Variants in ARHGAP10 observed in about 807,000 individuals in gnomAD.
ARHGAP10 encodes Rho GTPase activating protein 10.
In ARHGAP10, 87 loss-of-function variants were observed where a neutral mutation model predicts 108.6. The ratio of observed to expected loss-of-function variants is 0.80; its 90% CI spans 0.67 to 0.96. The LOEUF is 0.96. Among genes scored for constraint, ARHGAP10 ranks in the 40% least tolerant of loss-of-function variants. The pLI is 0.00. For missense variants in ARHGAP10, 939 were observed against 954.5 expected (o/e 0.98, Z 0.21); for synonymous variants, 347 against 341.1 (o/e 1.02, Z -0.19).
chr4:147,977,651 G>T (rs929722119), intron 18 of ARHGAP10, among the ~76,000 whole-genome samples: 11 of 152,004 alleles, frequency 7.2e-5, no homozygotes, highest in Non-Finnish European at 1.5e-5. Flanking sequence ...TCAATTGTGT[G>T]ACTTTTTTTT....
chr4:147,984,676 C>A (rs1284272811), intron 18 of ARHGAP10, among the ~76,000 whole-genome samples: 1 of 152,350 alleles, frequency 6.6e-6, no homozygotes, highest in African/African-American at 2.4e-5. Context: ...AGGAGACTAA[C>A]CTCGTTCCTG....
intron 18 of ARHGAP10, among the ~76,000 whole-genome samples, chr4:147,995,978 A>G (rs911428121): frequency 1.3e-5 from 2 of 152,094 alleles, no homozygotes; most frequent in Non-Finnish European, 2.9e-5. Flanking sequence ...CAGCCTCCCA[A>G]AGTGCTGGGA....
At chr4:147,961,017 A>G (rs1259193317) in intron 16 of ARHGAP10, among the ~76,000 whole-genome samples, 2 of 152,178 alleles carry the variant, frequency 1.3e-5, no homozygotes, top group African/African-American at 2.4e-5. Flanking sequence ...GTATAGGAGT[A>G]TGTGTCTTTT....
intron 1 of ARHGAP10, among the ~76,000 whole-genome samples, chr4:147,804,972 G>T (rs1162049572): frequency 6.6e-6 from 1 of 152,178 alleles, no homozygotes; most frequent in Non-Finnish European, 1.5e-5. Flanking sequence ...AGGCTCTTTT[G>T]TTTAATTAGG....
At chr4:147,893,960 T>A (rs1051510466) in intron 10 of ARHGAP10, among the ~76,000 whole-genome samples, 2 of 152,218 alleles carry the variant, frequency 1.3e-5, no homozygotes, top group Non-Finnish European at 2.9e-5. Flanking sequence ...TGGGCTGTGA[T>A]ATTTAAATGG....
At chr4:148,009,502 A>G (rs1476693291) in intron 18 of ARHGAP10, among the ~76,000 whole-genome samples, 1 of 152,200 alleles carries the variant, frequency 6.6e-6, no homozygotes, top group Non-Finnish European at 1.5e-5. Flanking sequence ...GATCTAGGCT[A>G]TATTTCTTCA....
At chr4:147,878,461 C>A (rs561822656) in intron 8 of ARHGAP10, among the ~76,000 whole-genome samples, 2 of 152,114 alleles carry the variant, frequency 1.3e-5, no homozygotes, top group Non-Finnish European at 2.9e-5. Flanking sequence ...GGATGCTGTT[C>A]ATGGACTTAA....
intron 19 of ARHGAP10, among the ~76,000 whole-genome samples, chr4:148,030,958 C>T (rs908192018): frequency 2.6e-5 from 4 of 151,986 alleles, no homozygotes; most frequent in African/African-American, 9.7e-5. Context: ...TGTTGGGTGG[C>T]CGAGGTGGGA....
At chr4:147,747,154 CTT>C (rs780059746) in intron 1 of ARHGAP10, among the ~76,000 whole-genome samples, 2 of 145,780 alleles carry the variant, frequency 1.4e-5, no homozygotes. Context: ...GGTCCTTCAT[CTT>C]TTTTTTTTTT....
intron 10 of ARHGAP10, among the ~76,000 whole-genome samples, chr4:147,900,522 T>G (rs2126899443): frequency 6.6e-6 from 1 of 152,326 alleles, no homozygotes; most frequent in Non-Finnish European, 1.5e-5. Flanking sequence ...CAGTTCTGAC[T>G]TGCTGTATGT....
chr4:147,750,616 G>A (rs1186544065), intron 1 of ARHGAP10, among the ~76,000 whole-genome samples: 5 of 149,850 alleles, frequency 3.3e-5, no homozygotes, highest in Non-Finnish European at 4.4e-5. Context: ...TTTTTTTTTG[G>A]GGGGGGTTGT....
intron 4 of ARHGAP10, among the ~76,000 whole-genome samples, chr4:147,853,061 T>A (rs1235551644): frequency 3.3e-5 from 5 of 152,234 alleles, no homozygotes; most frequent in Non-Finnish European, 7.3e-5. Context: ...GATAATCATT[T>A]ACTCACTCCT....
chr4:148,069,569 G>A (rs75782353), intron 22 of ARHGAP10, among the ~76,000 whole-genome samples: 2 of 152,176 alleles, frequency 1.3e-5, no homozygotes, highest in African/African-American at 4.8e-5. Context: ...TATTAATACC[G>A]AGTCTGTGCT....
intron 12 of ARHGAP10, among the ~76,000 whole-genome samples, chr4:147,910,509 T>A (rs1011790151): frequency 6.6e-6 from 1 of 152,218 alleles, no homozygotes; most frequent in African/African-American, 2.4e-5. Context: ...AGCCTTGATA[T>A]GCTTTATCTT....
rs529067218 is a variant in ARHGAP10 at position 147,905,827 on chromosome 4, A to G, written c.1035-811A>G. ...GAATCTATAAATTACCTTGGGCAGTATGGCCATTTTCACGATATTGATTCT... is the reference window on the plus strand; with the variant it reads ...GAATCTATAAATTACCTTGGGCAGTGTGGCCATTTTCACGATATTGATTCT... On this transcript the variant is annotated intron_variant, in intron 10 of 22. Transcript: ENST00000336498. Among the ~76,000 whole-genome samples, 13 of 151,696 alleles carry G rather than the reference A, an allele frequency of 8.6e-5. No individual in the cohort carries two copies. In the East Asian group the frequency reaches 1.2e-3, roughly 14 times the overall value.
At chr4:147,757,395 A>G (rs1366173641) in intron 1 of ARHGAP10, among the ~76,000 whole-genome samples, 1 of 151,932 alleles carries the variant, frequency 6.6e-6, no homozygotes, top group Non-Finnish European at 1.5e-5. Context: ...GGGGTTTCAC[A>G]GTGTTGCCCA....
At chr4:147,868,907 C>CGGT (rs1231870645) in intron 7 of ARHGAP10, among the ~76,000 whole-genome samples, 1 of 152,070 alleles carries the variant, frequency 6.6e-6, no homozygotes, top group East Asian at 1.9e-4. Flanking sequence ...GGCCATGGAC[C>CGGT]GGTACCTGTC....
chr4:147,903,111 C>G (rs1337382013), intron 10 of ARHGAP10, among the ~76,000 whole-genome samples: 1 of 152,090 alleles, frequency 6.6e-6, no homozygotes, highest in Non-Finnish European at 1.5e-5. Flanking sequence ...CCAAACCATC[C>G]CACATGGCCA....
At chr4:147,956,519 G>A (rs1423036431) in intron 16 of ARHGAP10, among the ~76,000 whole-genome samples, 1 of 152,096 alleles carries the variant, frequency 6.6e-6, no homozygotes, top group South Asian at 2.1e-4. Context: ...TCAAGGGAGT[G>A]GGGGAAAATT....
Sources: allele counts gnomAD v4.1 joint callset (sites outside exome capture counted in the v4.1 genomes callset), GRCh38; gene constraint gnomAD v4.1.1; transcripts MANE v1.5; gene names NCBI Gene and HGNC (gene_info 2026-07-23, HGNC 2026-07-21).